The following DPYD variants were observed in gnomAD, a reference collection of about 807,000 sequenced individuals.
The protein encoded by DPYD is dihydropyrimidine dehydrogenase.
A neutral mutation model predicts 116.2 loss-of-function variants in DPYD; 109 were observed. That is an observed-to-expected ratio of 0.94 (90% CI 0.80 to 1.10). DPYD has a LOEUF of 1.10. DPYD is among the 50% of genes least tolerant of loss of function. The pLI is 0.00. For missense variants in DPYD, 1,302 were observed against 1,254.5 expected, an observed-to-expected ratio of 1.04 and a Z score of -0.57; for synonymous variants, 440 against 432.0, an observed-to-expected ratio of 1.02 and a Z score of -0.23.
chr1:97,102,008 T>C (rs563519226), intron 20 of DPYD, among the ~76,000 whole-genome samples: 82 of 151,988 alleles, frequency 5.4e-4, no homozygotes, highest in Non-Finnish European at 8.8e-4. Flanking sequence ...ACATTGCCGA[T>C]AGAAAAGTGA....
intron 7 of DPYD, among the ~76,000 whole-genome samples, chr1:97,686,510 G>A (rs1271771849): frequency 1.3e-5 from 2 of 150,800 alleles, no homozygotes; most frequent in Non-Finnish European, 3.0e-5. Context: ...GGTAGCGGGA[G>A]CCTGTAGTCC....
At chr1:97,795,513 G>A (rs1015928981) in intron 3 of DPYD, among the ~76,000 whole-genome samples, 1 of 151,886 alleles carries the variant, frequency 6.6e-6, no homozygotes, top group Non-Finnish European at 1.5e-5. Flanking sequence ...AACATAGAAT[G>A]GAGACTAAAG....
intron 13 of DPYD, among the ~76,000 whole-genome samples, chr1:97,497,296 T>C (rs1282641367): frequency 6.6e-6 from 1 of 151,910 alleles, no homozygotes. Flanking sequence ...AGACTACTCA[T>C]TGAATATAGA....
intron 18 of DPYD, among the ~76,000 whole-genome samples, chr1:97,281,755 C>A (rs1014559371): frequency 1.8e-4 from 27 of 151,860 alleles, no homozygotes; most frequent in African/African-American, 5.1e-4. Context: ...AAGGAACATC[C>A]CTAAATAACA....
At chr1:97,303,204 T>C (rs749100301) in intron 18 of DPYD, among the ~76,000 whole-genome samples, 10 of 151,988 alleles carry the variant, frequency 6.6e-5, no homozygotes, top group Non-Finnish European at 1.2e-4. Context: ...TCACTGGCAA[T>C]GAAAAGTATG....
At chr1:97,695,377 T>C (rs1431735642) in intron 6 of DPYD, among the ~76,000 whole-genome samples, 3 of 148,288 alleles carry the variant, frequency 2.0e-5, no homozygotes, top group East Asian at 2.0e-4. Context: ...ATTCTGAGTA[T>C]CTAGTATGCT....
chr1:97,323,702 GTA>G (rs1314289436), intron 16 of DPYD, among the ~76,000 whole-genome samples: 2 of 137,274 alleles, frequency 1.5e-5, no homozygotes, highest in Admixed American at 7.4e-5. Context: ...ATATATACAC[GTA>G]TATATATACA....
At chr1:97,902,108 T>C (rs1673398003) in intron 1 of DPYD, among the ~76,000 whole-genome samples, 1 of 151,772 alleles carries the variant, frequency 6.6e-6, no homozygotes, top group Non-Finnish European at 1.5e-5. Context: ...CAGGAACTTA[T>C]ATAAGGCATA....
chr1:97,326,189 T>G (rs1026109087), intron 16 of DPYD, among the ~76,000 whole-genome samples: 6 of 151,850 alleles, frequency 4.0e-5, no homozygotes, highest in African/African-American at 1.4e-4. Context: ...GAATGAAAAT[T>G]TAAAATTTTG....
intron 18 of DPYD, among the ~76,000 whole-genome samples, chr1:97,244,960 G>A (rs1021921851): frequency 1.3e-5 from 2 of 152,030 alleles, no homozygotes; most frequent in African/African-American, 4.8e-5. Flanking sequence ...TTGGTTGCGA[G>A]TGGTAAAACT....
intron 2 of DPYD, among the ~76,000 whole-genome samples, chr1:97,857,428 T>C (rs1413552309): frequency 1.3e-5 from 2 of 152,004 alleles, no homozygotes; most frequent in Non-Finnish European, 2.9e-5. Context: ...TTGAGCCCCA[T>C]CCCCCAACTT....
chr1:97,132,423 G>C (rs1256902934), intron 20 of DPYD, among the ~76,000 whole-genome samples: 2 of 152,108 alleles, frequency 1.3e-5, no homozygotes, highest in Non-Finnish European at 2.9e-5. Context: ...GTTAGGAAAT[G>C]AATCAGATGG....
intron 8 of DPYD, among the ~76,000 whole-genome samples, chr1:97,654,799 A>C (rs1033773521): frequency 6.6e-6 from 1 of 152,190 alleles, no homozygotes; most frequent in African/African-American, 2.4e-5. Context: ...AGACTGGGTA[A>C]TTTATAAAGA....
intron 7 of DPYD, among the ~76,000 whole-genome samples, chr1:97,687,782 A>T (rs1179752381): frequency 1.3e-5 from 2 of 152,220 alleles, no homozygotes; most frequent in African/African-American, 4.8e-5. Flanking sequence ...TACACCATGG[A>T]CTACTATGCA....
intron 14 of DPYD, among the ~76,000 whole-genome samples, chr1:97,412,626 T>C (rs1674072731): frequency 6.6e-6 from 1 of 152,202 alleles, no homozygotes; most frequent in Non-Finnish European, 1.5e-5. Context: ...TATGAAAGTA[T>C]GGACAATTAA....
At chr1:97,917,186 G>A (rs2101719921) in intron 1 of DPYD, among the ~76,000 whole-genome samples, 1 of 152,286 alleles carries the variant, frequency 6.6e-6, no homozygotes, top group South Asian at 2.1e-4. Flanking sequence ...GAAAAGAAAT[G>A]ACTGATGCTT....
At chr1:97,712,016 T>A (rs1361122399) in intron 5 of DPYD, among the ~76,000 whole-genome samples, 1 of 152,052 alleles carries the variant, frequency 6.6e-6, no homozygotes, top group South Asian at 2.1e-4. Context: ...GTAATTTGTT[T>A]TCCCTTTATC....
chr1:97,708,987 C>CT (rs147828487), intron 5 of DPYD, among the ~76,000 whole-genome samples: 1 of 151,588 alleles, frequency 6.6e-6, no homozygotes, highest in Non-Finnish European at 1.5e-5. Flanking sequence ...ATCTTATATC[C>CT]TTTTTTGCCA....
intron 20 of DPYD, among the ~76,000 whole-genome samples, chr1:97,141,019 G>A (rs1247936304): frequency 6.6e-6 from 1 of 152,110 alleles, no homozygotes; most frequent in Non-Finnish European, 1.5e-5. Context: ...TAATAGATCT[G>A]TAAACATGAG....
Sources: allele counts gnomAD v4.1 joint callset (sites outside exome capture counted in the v4.1 genomes callset), GRCh38; gene constraint gnomAD v4.1.1; transcripts MANE v1.5; gene names NCBI Gene and HGNC (gene_info 2026-07-23, HGNC 2026-07-21).